Variants in ZNF438 observed in about 807,000 individuals in gnomAD.
The protein encoded by ZNF438 is zinc finger protein 438.
A neutral mutation model predicts 38.0 loss-of-function variants in ZNF438; 25 were observed. The observed-to-expected ratio is 0.66, with a 90% CI of 0.48 to 0.92. The LOEUF (loss-of-function observed/expected upper bound fraction) is 0.92, where lower values mean the gene tolerates loss of function less well. Ranked by LOEUF, ZNF438 falls within the 40% of genes least tolerant of loss-of-function variation. The probability of loss-of-function intolerance (pLI) is 0.00; values close to 1 mark genes in which losing one functional copy is unlikely to be tolerated. For missense variants in ZNF438, 1,007 were observed against 999.6 expected (o/e 1.01, Z -0.10); for synonymous variants, 372 against 364.1 (o/e 1.02, Z -0.25).
intron 5 of ZNF438, among the ~76,000 whole-genome samples, chr10:30,848,230 G>T (rs1366176806): frequency 1.3e-5 from 2 of 152,166 alleles, no homozygotes; most frequent in African/African-American, 4.8e-5. Flanking sequence ...TGGGGCAAAT[G>T]ATGCTGTTTA....
intron 1 of ZNF438, among the ~76,000 whole-genome samples, chr10:30,944,557 C>T (rs1259990913): frequency 6.6e-6 from 1 of 152,158 alleles, no homozygotes; most frequent in Admixed American, 6.5e-5. Context: ...AATTTCTAGA[C>T]ACATTCAAGG....
intron 1 of ZNF438, among the ~76,000 whole-genome samples, chr10:30,978,597 T>C (rs1005356463): frequency 6.6e-6 from 1 of 152,166 alleles, no homozygotes; most frequent in Admixed American, 6.5e-5. Flanking sequence ...AAAGTTCCCT[T>C]GTACTGCCTC....
intron 1 of ZNF438, among the ~76,000 whole-genome samples, chr10:30,973,575 T>C (rs1171531643): frequency 1.3e-5 from 2 of 152,174 alleles, no homozygotes; most frequent in East Asian, 3.8e-4. Context: ...ATGATACGTG[T>C]TTACTAAAAC....
intron 2 of ZNF438, chr10:30,921,098 A>C (rs2044246785): frequency 6.6e-6 from 1 of 152,246 alleles, no homozygotes; most frequent in Admixed American, 6.5e-5. Context: ...GGTATCAAGC[A>C]AACACCATGC....
At chr10:30,851,933 C>A (rs1165533868) in intron 4 of ZNF438, among the ~76,000 whole-genome samples, 1 of 151,750 alleles carries the variant, frequency 6.6e-6, no homozygotes, top group Non-Finnish European at 1.5e-5. Context: ...CTGAGATGGG[C>A]GGATCACTTG....
At chr10:31,018,257 G>A (rs1040814585) in intron 1 of ZNF438, among the ~76,000 whole-genome samples, 7 of 152,330 alleles carry the variant, frequency 4.6e-5, no homozygotes, top group Admixed American at 3.9e-4. Flanking sequence ...GCCATTGGCA[G>A]AGAGAACCTC....
chr10:30,994,208 T>C (rs1589633318), intron 1 of ZNF438, among the ~76,000 whole-genome samples: 1 of 152,208 alleles, frequency 6.6e-6, no homozygotes, highest in African/African-American at 2.4e-5. Flanking sequence ...CTGGAGCTAC[T>C]GGGATGGAAT....
chr10:30,988,482 T>C (rs951533092), intron 1 of ZNF438, among the ~76,000 whole-genome samples: 11 of 152,166 alleles, frequency 7.2e-5, no homozygotes, highest in African/African-American at 2.4e-4. Flanking sequence ...ATGTAGTATA[T>C]TATTAGTCAG....
At chr10:30,910,506 T>A (rs1399751088) in intron 2 of ZNF438, 1 of 151,824 alleles carries the variant, frequency 6.6e-6, no homozygotes, top group Middle Eastern at 3.4e-3. Context: ...CTTCAAAACC[T>A]GACTGAAGCA....
At chr10:31,026,721 C>T (rs755600263) in intron 1 of ZNF438, among the ~76,000 whole-genome samples, 4 of 152,070 alleles carry the variant, frequency 2.6e-5, no homozygotes, top group Non-Finnish European at 4.4e-5. Context: ...TACCATTTGG[C>T]CCAGCCATCC....
intron 2 of ZNF438, among the ~76,000 whole-genome samples, chr10:30,924,543 C>A (rs561126118): frequency 5.3e-5 from 8 of 152,252 alleles, no homozygotes; most frequent in African/African-American, 1.4e-4. Context: ...ATAAAGTTTC[C>A]AGCTTTAAGA....
intron 1 of ZNF438, among the ~76,000 whole-genome samples, chr10:31,006,716 T>C (rs975817031): frequency 6.9e-5 from 9 of 130,582 alleles, no homozygotes; most frequent in African/African-American, 2.6e-4. Context: ...GGTGTCAGCA[T>C]TGAATTGAAG....
At chr10:30,874,643 T>A (rs1250508184) in intron 4 of ZNF438, among the ~76,000 whole-genome samples, 1 of 152,104 alleles carries the variant, frequency 6.6e-6, no homozygotes, top group Non-Finnish European at 1.5e-5. Flanking sequence ...TAATTTTCCA[T>A]AATTTAAGTT....
intron 3 of ZNF438, among the ~76,000 whole-genome samples, chr10:30,899,958 A>G (rs2041795454): frequency 6.6e-6 from 1 of 152,206 alleles, no homozygotes. Context: ...AGGGCAGTAT[A>G]AAAAGTAGGC....
chr10:31,025,942 A>G (rs1045831219), intron 1 of ZNF438, among the ~76,000 whole-genome samples: 9 of 152,244 alleles, frequency 5.9e-5, no homozygotes, highest in Admixed American at 5.2e-4. Flanking sequence ...TGCAAAAATA[A>G]AAGTGATTGC....
rs374070521 is a variant in ZNF438 at position 30,881,535 on chromosome 10, G to A, written c.-31-4470C>T. On this transcript the variant is annotated intron_variant, in intron 3 of 5. Coordinates refer to ENST00000413025, the Ensembl canonical transcript of ZNF438. Reference sequence around the variant, plus strand: ...ACCACATTCAAAGGTTGGAAGACTCGATGTTGTTAAAATGGCAATTCTCTT... The same window carrying A: ...ACCACATTCAAAGGTTGGAAGACTCAATGTTGTTAAAATGGCAATTCTCTT... Among the ~76,000 whole-genome samples the A allele has an allele frequency of 1.9e-4, 29 of 152,184 alleles. No homozygotes were observed. In the East Asian group the frequency reaches 5.0e-3, roughly 26 times the overall value.
At chr10:30,866,698 G>A (rs1163331423) in intron 4 of ZNF438, among the ~76,000 whole-genome samples, 1 of 152,106 alleles carries the variant, frequency 6.6e-6, no homozygotes, top group Non-Finnish European at 1.5e-5. Flanking sequence ...GCCGAGCGTG[G>A]TGACAGGCAC....
At chr10:31,026,851 T>A (rs1264438207) in intron 1 of ZNF438, among the ~76,000 whole-genome samples, 1 of 152,068 alleles carries the variant, frequency 6.6e-6, no homozygotes, top group Non-Finnish European at 1.5e-5. Flanking sequence ...CAAATGTCCA[T>A]CAATGATAGA....
At chr10:30,958,253 G>C (rs902504141) in intron 1 of ZNF438, among the ~76,000 whole-genome samples, 2 of 147,044 alleles carry the variant, frequency 1.4e-5, no homozygotes, top group African/African-American at 4.9e-5. Flanking sequence ...CTTCAGAAGA[G>C]AGTCTTCAGT....
Sources: gnomAD v4.1 joint callset for allele counts (sites outside exome capture counted in the v4.1 genomes callset) on GRCh38, gnomAD v4.1.1 for gene constraint, MANE v1.5 for transcripts, NCBI Gene and HGNC (gene_info 2026-07-23, HGNC 2026-07-21) for gene names.